The following ANK3 variants were observed in gnomAD, a reference collection of about 807,000 sequenced individuals.
The protein encoded by ANK3 is ankyrin 3, also known as ankyrin-3.
A neutral mutation model predicts 370.9 loss-of-function variants in ANK3; 57 were observed. That is an observed-to-expected ratio of 0.15 (90% CI 0.12 to 0.19). The LOEUF (loss-of-function observed/expected upper bound fraction) is 0.19. ANK3 is among the 10% of genes least tolerant of loss of function. The pLI is 1.00. For synonymous variants in ANK3, 1,929 were observed against 1,946.3 expected (o/e 0.99, Z 0.23); for missense variants, 4,439 against 5,302.1 (o/e 0.84, Z 5.06).
chr10:60,531,903 G>A (rs551877523), intron 2 of ANK3, among the ~76,000 whole-genome samples: 2 of 152,104 alleles, frequency 1.3e-5, no homozygotes, highest in South Asian at 2.1e-4. Flanking sequence ...GGCTTAAGAA[G>A]CCCTCCTGGT....
intron 1 of ANK3, among the ~76,000 whole-genome samples, chr10:60,389,045 C>A (rs1451470251): frequency 1.3e-5 from 2 of 152,154 alleles, no homozygotes; most frequent in East Asian, 1.9e-4. Context: ...CTAAGAAGTA[C>A]AAAGCCTGGT....
Position 60,069,801 on chromosome 10 carries a change from C to T in ANK3, c.11080G>A (p.Glu3694Lys), listed in dbSNP as rs776896529. The T allele has an allele frequency of 4.3e-6, 7 of 1,614,016 alleles. No homozygotes were observed. Among genetic ancestry groups the T allele is most frequent in the Non-Finnish European group, 5.1e-6 (6 of 1,180,026 alleles). Residue 3694 changes from glutamate (E) to lysine (K), a missense_variant, in exon 37 of 44, where the codon GAA (glutamate) becomes AAA (lysine). Physicochemically the swap from Glu to Lys is moderately conservative, Grantham distance 56. Transcript: ENST00000280772. Reference sequence around the variant, plus strand: ...AGGGAGCCACTACTGGATGTGCCTTCCTGACACTCTCCGCTGGTCGGGATG... The same window carrying T: ...AGGGAGCCACTACTGGATGTGCCTTTCTGACACTCTCCGCTGGTCGGGATG... ...PSIPTSGECQ[E>K]GTSSSGSLEK...
At chr10:60,448,931 ACAGGATGC>A (rs2064523494) in intron 2 of ANK3, among the ~76,000 whole-genome samples, 1 of 152,212 alleles carries the variant, frequency 6.6e-6, no homozygotes, top group Admixed American at 6.5e-5. Flanking sequence ...CGACCTTTTC[ACAGGATGC>A]CAATTTGACT....
intron 2 of ANK3, among the ~76,000 whole-genome samples, chr10:60,405,533 G>A (rs889175568): frequency 2.0e-5 from 3 of 152,138 alleles, no homozygotes; most frequent in South Asian, 2.1e-4. Context: ...ATTTTCTGGG[G>A]TGATAGTAAT....
intron 2 of ANK3, among the ~76,000 whole-genome samples, chr10:60,475,923 A>G (rs943689455): frequency 6.6e-6 from 1 of 152,240 alleles, no homozygotes; most frequent in African/African-American, 2.4e-5. Context: ...CAGCGCTTTA[A>G]AAGTAAGGGT....
intron 7 of ANK3, among the ~76,000 whole-genome samples, chr10:60,235,556 T>C (rs1459255086): frequency 2.4e-5 from 1 of 40,884 alleles, no homozygotes; most frequent in Admixed American, 3.0e-4. Context: ...TCTTGTTTTT[T>C]TTTTTTTTTT....
intron 1 of ANK3, among the ~76,000 whole-genome samples, chr10:60,717,816 C>T (rs371730964): frequency 2.6e-5 from 4 of 152,120 alleles, no homozygotes; most frequent in Non-Finnish European, 4.4e-5. Flanking sequence ...GTGAGATTTG[C>T]ATCATTTAAA....
At chr10:60,172,869 C>A in intron 20 of ANK3, 31 bp downstream of exon 20, 1 of 1,481,138 alleles carries the variant, frequency 6.8e-7, no homozygotes, top group South Asian at 1.2e-5. Flanking sequence ...TATCTCCTCC[C>A]TCTTCTCCTG....
At chr10:60,305,156 T>G (rs983000460) in intron 1 of ANK3, among the ~76,000 whole-genome samples, 2 of 152,304 alleles carry the variant, frequency 1.3e-5, no homozygotes, top group African/African-American at 4.8e-5. Context: ...AACTCTTCCA[T>G]AAACTTCCAG....
intron 2 of ANK3, among the ~76,000 whole-genome samples, chr10:60,547,672 C>CAG (rs932759782): frequency 4.0e-5 from 6 of 148,526 alleles, no homozygotes; most frequent in South Asian, 2.1e-4. Flanking sequence ...GACAGAGAGA[C>CAG]AGAGAGAGAG....
At chr10:60,335,056 C>T (rs1284736521) in intron 1 of ANK3, among the ~76,000 whole-genome samples, 1 of 152,092 alleles carries the variant, frequency 6.6e-6, no homozygotes, top group African/African-American at 2.4e-5. Flanking sequence ...TCTATTTCAA[C>T]TTACACCATG....
At chr10:60,359,101 T>G (rs1184269655) in intron 1 of ANK3, among the ~76,000 whole-genome samples, 1 of 152,154 alleles carries the variant, frequency 6.6e-6, no homozygotes, top group Non-Finnish European at 1.5e-5. Context: ...TCATGCTGTC[T>G]TATTCACTAC....
chr10:60,448,771 T>G (rs2064519245), intron 2 of ANK3, among the ~76,000 whole-genome samples: 1 of 152,260 alleles, frequency 6.6e-6, no homozygotes, highest in Admixed American at 6.5e-5. Flanking sequence ...GAGGAATTGA[T>G]TACTAATTCC....
Position 60,501,426 on chromosome 10 carries a change from C to T in ANK3, c.96+113760G>A, listed in dbSNP as rs187589162. On this transcript the variant is annotated intron_variant, in intron 2 of 43. Transcript: ENST00000373827. ...AGCACCTAGAAAATGAAAACTTGGC[C>T]GGGTGCAGCGGCTCACGCCTGTAAT... Among the ~76,000 whole-genome samples, 336 of 152,186 alleles carry T rather than the reference C, an allele frequency of 2.2e-3. 2 individuals carry two copies. The highest frequency in any genetic ancestry group is 7.4e-3 in the African/African-American group (309 of 41,536).
intron 43 of ANK3, among the ~76,000 whole-genome samples, chr10:60,042,184 A>G (rs1180752233): frequency 3.3e-5 from 5 of 152,222 alleles, no homozygotes; most frequent in African/African-American, 1.2e-4. Flanking sequence ...TTTTGTTTCT[A>G]TAAAACACCA....
chr10:60,400,373 C>G (rs1299146670), intron 2 of ANK3, among the ~76,000 whole-genome samples: 1 of 152,152 alleles, frequency 6.6e-6, no homozygotes, highest in Admixed American at 6.5e-5. Context: ...AAATCTTTTA[C>G]AAGTCTTTCT....
At chr10:60,093,595 T>A (rs750188320) in intron 28 of ANK3, among the ~76,000 whole-genome samples, 1 of 152,118 alleles carries the variant, frequency 6.6e-6, no homozygotes, top group Non-Finnish European at 1.5e-5. Flanking sequence ...TTTGTGAGGA[T>A]TAAAAGTAGA....
intron 42 of ANK3, chr10:60,043,441 G>A: frequency 7.1e-6 from 7 of 984,536 alleles, no homozygotes; most frequent in Non-Finnish European, 8.4e-6. Flanking sequence ...ATTGAAAAGG[G>A]TAGAGATCTG....
chr10:60,300,116 A>G (rs2043363532), intron 1 of ANK3, among the ~76,000 whole-genome samples: 1 of 152,144 alleles, frequency 6.6e-6, no homozygotes, highest in African/African-American at 2.4e-5. Context: ...TCACAGGCAA[A>G]ACATATCTAG....
Sources: gnomAD v4.1 joint callset for allele counts (sites outside exome capture counted in the v4.1 genomes callset) on GRCh38, gnomAD v4.1.1 for gene constraint, MANE v1.5 for transcripts, NCBI Gene and HGNC (gene_info 2026-07-23, HGNC 2026-07-21) for gene names.